AGBL1: variants seen among roughly 807,000 people sequenced by gnomAD.
AGBL1 encodes the protein AGBL carboxypeptidase 1.
A neutral mutation model predicts 118.9 loss-of-function variants in AGBL1; 130 were observed. The observed-to-expected ratio is 1.09, with a 90% CI of 0.95 to 1.26. The LOEUF (loss-of-function observed/expected upper bound fraction) is 1.26, where lower values mean the gene tolerates loss of function less well. Ranked by LOEUF, AGBL1 falls within the 50% of genes most tolerant of loss-of-function variation. The probability of loss-of-function intolerance (pLI) is 0.00; values close to 1 mark genes in which losing one functional copy is unlikely to be tolerated. For synonymous variants in AGBL1, 555 were observed against 478.9 expected, an observed-to-expected ratio of 1.16 and a Z score of -2.08; for missense variants, 1,584 against 1,298.1, an observed-to-expected ratio of 1.22 and a Z score of -3.38.
chr15:86,872,113 G>A (rs1195332371), intron 22 of AGBL1, among the ~76,000 whole-genome samples: 6 of 152,204 alleles, frequency 3.9e-5, no homozygotes, highest in Non-Finnish European at 7.3e-5. Context: ...AGATTCCAAT[G>A]CAGTTGTGCA....
chr15:86,080,941 G>T (rs1027096474), intron 1 of AGBL1, among the ~76,000 whole-genome samples: 7 of 149,280 alleles, frequency 4.7e-5, no homozygotes, highest in South Asian at 2.1e-4. Flanking sequence ...GTGGGGGCGG[G>T]GGGGGGTCCA....
At chr15:86,832,657 T>G (rs2141418309) in intron 22 of AGBL1, among the ~76,000 whole-genome samples, 1 of 152,322 alleles carries the variant, frequency 6.6e-6, no homozygotes, top group Non-Finnish European at 1.5e-5. Flanking sequence ...CAGCCTGGAC[T>G]TTGTTGCCCA....
chr15:86,792,506 T>C (rs934565858), intron 22 of AGBL1, among the ~76,000 whole-genome samples: 2 of 152,236 alleles, frequency 1.3e-5, no homozygotes, highest in Non-Finnish European at 2.9e-5. Context: ...GAGTTTCATA[T>C]GAGTTATGTG....
chr15:86,151,981 AAGG>A (rs1462158517), intron 3 of AGBL1, among the ~76,000 whole-genome samples: 2 of 152,212 alleles, frequency 1.3e-5, no homozygotes, highest in South Asian at 2.1e-4. Context: ...GGACCTCTTC[AAGG>A]AGAACTACAA....
chr15:86,647,202 A>G (rs1463976279), intron 21 of AGBL1, among the ~76,000 whole-genome samples: 1 of 152,162 alleles, frequency 6.6e-6, no homozygotes, highest in African/African-American at 2.4e-5. Context: ...TTTTTACTGC[A>G]TAGGTAGTAA....
chr15:86,291,933 A>T (rs1001642589), intron 16 of AGBL1, among the ~76,000 whole-genome samples: 2 of 152,156 alleles, frequency 1.3e-5, no homozygotes, highest in African/African-American at 4.8e-5. Flanking sequence ...CTGGATTTTT[A>T]TTTATCTTGA....
At chr15:86,984,129 A>G (rs1036021412) in intron 23 of AGBL1, among the ~76,000 whole-genome samples, 1 of 152,172 alleles carries the variant, frequency 6.6e-6, no homozygotes, top group African/African-American at 2.4e-5. Flanking sequence ...CTCATGTTAC[A>G]TTCCCACCAG....
At chr15:86,519,070 C>T (rs2083155614) in intron 18 of AGBL1, among the ~76,000 whole-genome samples, 1 of 151,978 alleles carries the variant, frequency 6.6e-6, no homozygotes, top group Non-Finnish European at 1.5e-5. Flanking sequence ...AACTTATTTT[C>T]AGTGAAGGGA....
rs28699318 is a variant in AGBL1 at position 86,858,308 on chromosome 15, G to C, written c.3159-48779G>C. On this transcript the variant is annotated intron_variant, in intron 22 of 22. Transcript: ENST00000614907. ...ATATAATAGGGACTTCTAAAACTCA[G>C]TGTCATGGGGCCTTGTGGAACATCA... is the stretch of plus-strand genomic sequence containing the variant. Among the ~76,000 whole-genome samples the C allele has an allele frequency of 3.1e-3, 476 of 152,320 alleles. 3 individuals are homozygous for C. Among genetic ancestry groups the C allele is most frequent in the African/African-American group, 0.011 (457 of 41,580 alleles).
At chr15:87,010,503 CA>C (rs1250346374) in intron 24 of AGBL1, among the ~76,000 whole-genome samples, 1 of 152,164 alleles carries the variant, frequency 6.6e-6, no homozygotes, top group African/African-American at 2.4e-5. Context: ...GAAAAAAAGG[CA>C]AAGGAAAGGT....
intron 23 of AGBL1, among the ~76,000 whole-genome samples, chr15:86,949,082 G>A (rs1037649182): frequency 6.6e-6 from 1 of 151,878 alleles, no homozygotes; most frequent in Admixed American, 6.6e-5. Flanking sequence ...AAAAAGTCAC[G>A]TAAAAGTTCC....
At chr15:86,978,257 C>G (rs184144105) in intron 23 of AGBL1, among the ~76,000 whole-genome samples, 1 of 152,110 alleles carries the variant, frequency 6.6e-6, no homozygotes, top group Non-Finnish European at 1.5e-5. Context: ...CACTAAGGTT[C>G]AGAGAATGAA....
chr15:86,654,123 A>G (rs1441389278), intron 21 of AGBL1, among the ~76,000 whole-genome samples: 1 of 152,152 alleles, frequency 6.6e-6, no homozygotes, highest in Admixed American at 6.6e-5. Context: ...TCTGAGCCAC[A>G]AACTCAGATG....
At chr15:86,454,744 C>A (rs980613470) in intron 18 of AGBL1, among the ~76,000 whole-genome samples, 6 of 152,042 alleles carry the variant, frequency 3.9e-5, no homozygotes, top group African/African-American at 1.4e-4. Flanking sequence ...GGGCTATTGA[C>A]TGCAAAGGGG....
intron 18 of AGBL1, among the ~76,000 whole-genome samples, chr15:86,486,290 C>T (rs1172881581): frequency 2.0e-5 from 3 of 152,026 alleles, no homozygotes; most frequent in Non-Finnish European, 4.4e-5. Context: ...CCCAGTTTAC[C>T]TTTCCCTCGT....
intron 18 of AGBL1, among the ~76,000 whole-genome samples, chr15:86,427,899 G>A (rs1446848274): frequency 1.3e-5 from 2 of 152,132 alleles, no homozygotes; most frequent in Non-Finnish European, 2.9e-5. Flanking sequence ...AGTTTGCAAA[G>A]CTTACGGACA....
intron 18 of AGBL1, among the ~76,000 whole-genome samples, chr15:86,513,315 T>C (rs1220102792): frequency 6.6e-6 from 1 of 151,962 alleles, no homozygotes; most frequent in African/African-American, 2.4e-5. Context: ...TTGAATTGGG[T>C]TTGTCTGATG....
At chr15:86,242,597 A>G (rs1019065875) in intron 6 of AGBL1, among the ~76,000 whole-genome samples, 2 of 152,216 alleles carry the variant, frequency 1.3e-5, no homozygotes, top group African/African-American at 4.8e-5. Flanking sequence ...AGGGAGGGGT[A>G]CATGAGTTTA....
At chr15:86,750,033 T>A (rs931011996) in intron 22 of AGBL1, among the ~76,000 whole-genome samples, 4 of 152,118 alleles carry the variant, frequency 2.6e-5, no homozygotes, top group Non-Finnish European at 5.9e-5. Context: ...ATAAAATGAG[T>A]TAGGGAGGAT....
Sources: gnomAD v4.1 joint callset for allele counts (sites outside exome capture counted in the v4.1 genomes callset) on GRCh38, gnomAD v4.1.1 for gene constraint, MANE v1.5 for transcripts, NCBI Gene and HGNC (gene_info 2026-07-23, HGNC 2026-07-21) for gene names.